The following AP3B1 variants were observed in gnomAD, a reference collection of about 807,000 sequenced individuals.
AP3B1 encodes the protein adaptor related protein complex 3 subunit beta 1.
Under a neutral mutation model 132.5 loss-of-function variants are expected in AP3B1, and 61 were observed. That is an observed-to-expected ratio of 0.46 (90% CI 0.37 to 0.57). The LOEUF (loss-of-function observed/expected upper bound fraction) is 0.57. Among genes scored for constraint, AP3B1 ranks in the 20% least tolerant of loss-of-function variants. The pLI, the probability that AP3B1 is intolerant of heterozygous loss-of-function variation, is 0.00. For missense variants in AP3B1, 1,120 were observed against 1,289.4 expected, an observed-to-expected ratio of 0.87 and a Z score of 2.01; for synonymous variants, 388 against 438.3, an observed-to-expected ratio of 0.89 and a Z score of 1.43.
At chr5:78,174,619 C>T (rs1580444735) in intron 11 of AP3B1, among the ~76,000 whole-genome samples, 1 of 152,200 alleles carries the variant, frequency 6.6e-6, no homozygotes, top group East Asian at 1.9e-4. Context: ...GGGCAACCAC[C>T]TATATGAGGT....
intron 9 of AP3B1, among the ~76,000 whole-genome samples, chr5:78,176,854 G>A (rs147481460): frequency 4.1e-4 from 62 of 152,234 alleles, no homozygotes; most frequent in Middle Eastern, 3.4e-3. Flanking sequence ...TTTTAGAGTG[G>A]AGCAAAGCAT....
intron 7 of AP3B1, among the ~76,000 whole-genome samples, chr5:78,206,191 G>A (rs74530292): frequency 0.014 from 2,147 of 152,116 alleles, 58 homozygotes; most frequent in African/African-American, 0.049. Context: ...AATTAATTAA[G>A]AGCTTCCAAC....
At chr5:78,186,142 A>G (rs1394460404) in intron 7 of AP3B1, among the ~76,000 whole-genome samples, 1 of 152,226 alleles carries the variant, frequency 6.6e-6, no homozygotes, top group African/African-American at 2.4e-5. Context: ...TGTGCTGCCT[A>G]TAAGAAATTC....
At chr5:78,097,636 C>T (rs1313669497) in intron 21 of AP3B1, among the ~76,000 whole-genome samples, 3 of 141,516 alleles carry the variant, frequency 2.1e-5, no homozygotes, top group East Asian at 2.1e-4. Flanking sequence ...CGGCCAGCCG[C>T]CCCGTCCGGG....
intron 1 of AP3B1, among the ~76,000 whole-genome samples, chr5:78,272,485 G>C (rs545016983): frequency 2.2e-4 from 33 of 152,218 alleles, no homozygotes; most frequent in African/African-American, 7.9e-4. Context: ...AGATTCTGAA[G>C]CTCTATTCTC....
chr5:78,064,596 T>C (rs545294288), intron 22 of AP3B1, among the ~76,000 whole-genome samples: 1 of 152,328 alleles, frequency 6.6e-6, no homozygotes, highest in South Asian at 2.1e-4. Context: ...AAATGTTACC[T>C]TAGAAAGATG....
chr5:78,229,170 A>C (rs1746524443), intron 3 of AP3B1, among the ~76,000 whole-genome samples: 1 of 152,102 alleles, frequency 6.6e-6, no homozygotes, highest in Non-Finnish European at 1.5e-5. Context: ...TCCTGGGCTT[A>C]ACTGGTCCTC....
At chr5:78,266,140 G>A (rs1461445013) in intron 2 of AP3B1, among the ~76,000 whole-genome samples, 2 of 152,160 alleles carry the variant, frequency 1.3e-5, no homozygotes, top group Non-Finnish European at 2.9e-5. Context: ...TAGCAGTCAA[G>A]TTTGTACATT....
chr5:78,124,341 A>C (rs1437275929), intron 17 of AP3B1, among the ~76,000 whole-genome samples: 1 of 152,150 alleles, frequency 6.6e-6, no homozygotes, highest in Non-Finnish European at 1.5e-5. Context: ...TAAAAGTATA[A>C]TAATAAAATA....
chr5:78,165,567 C>T (rs1743578521), intron 12 of AP3B1, 43 bp downstream of exon 12: 3 of 1,350,724 alleles, frequency 2.2e-6, no homozygotes, highest in African/African-American at 1.4e-5. Context: ...TAAGACTGAA[C>T]ATATGTTTTA....
intron 2 of AP3B1, among the ~76,000 whole-genome samples, chr5:78,249,579 C>CTTTTTTTTT (rs71301504): frequency 3.8e-5 from 4 of 105,074 alleles, no homozygotes; most frequent in Non-Finnish European, 5.8e-5. Flanking sequence ...TTTTCTTTTT[C>CTTTTTTTTT]TTTTTTTTTT....
At chr5:78,118,262 G>A (rs950885435) in intron 17 of AP3B1, among the ~76,000 whole-genome samples, 2 of 152,204 alleles carry the variant, frequency 1.3e-5, no homozygotes, top group Non-Finnish European at 2.9e-5. Context: ...CGTGAGCGAC[G>A]CAGAAGACGG....
At chr5:78,239,272 A>G (rs1747011184) in intron 3 of AP3B1, among the ~76,000 whole-genome samples, 1 of 151,964 alleles carries the variant, frequency 6.6e-6, no homozygotes. Context: ...GGAGTTCGAA[A>G]CCAGCCTGGG....
intron 26 of AP3B1, among the ~76,000 whole-genome samples, chr5:78,006,656 C>T (rs1334555295): frequency 6.6e-6 from 1 of 152,166 alleles, no homozygotes; most frequent in East Asian, 1.9e-4. Flanking sequence ...AGTAACACCA[C>T]AAATGAGAAC....
chr5:78,225,121 T>C (rs1746350716), intron 6 of AP3B1, among the ~76,000 whole-genome samples: 2 of 152,096 alleles, frequency 1.3e-5, no homozygotes, highest in African/African-American at 4.8e-5. Flanking sequence ...AGATAGTACA[T>C]ACTCCCTGAT....
At chr5:78,229,744 A>T (rs780031227) in intron 3 of AP3B1, among the ~76,000 whole-genome samples, 1 of 151,968 alleles carries the variant, frequency 6.6e-6, no homozygotes, top group African/African-American at 2.4e-5. Context: ...TGTCTCAAAA[A>T]TTTAAAAAAT....
intron 22 of AP3B1, among the ~76,000 whole-genome samples, chr5:78,050,455 T>C (rs1012755698): frequency 2.0e-5 from 3 of 152,062 alleles, no homozygotes; most frequent in African/African-American, 7.3e-5. Flanking sequence ...TAACTATACA[T>C]TATTTAATGC....
intron 19 of AP3B1, among the ~76,000 whole-genome samples, chr5:78,111,190 A>C (rs914460263): frequency 6.6e-6 from 1 of 152,214 alleles, no homozygotes; most frequent in Non-Finnish European, 1.5e-5. Context: ...AGAAAATGTT[A>C]ACCAGTTCAA....
At chr5:78,148,579 C>G (rs1008369443) in intron 14 of AP3B1, among the ~76,000 whole-genome samples, 2 of 152,118 alleles carry the variant, frequency 1.3e-5, no homozygotes, top group Admixed American at 6.6e-5. Flanking sequence ...CCTGAATATT[C>G]AATGTTTTTA....
Sources: allele counts gnomAD v4.1 joint callset (sites outside exome capture counted in the v4.1 genomes callset), GRCh38; gene constraint gnomAD v4.1.1; transcripts MANE v1.5; gene names NCBI Gene and HGNC (gene_info 2026-07-23, HGNC 2026-07-21).